The following GXYLT1 variants were observed in gnomAD, a reference collection of about 807,000 sequenced individuals.
GXYLT1 encodes the protein glucoside xylosyltransferase 1.
Under a neutral mutation model 54.0 loss-of-function variants are expected in GXYLT1, and 29 were observed. That is an observed-to-expected ratio of 0.54 (90% confidence interval 0.40 to 0.73). The LOEUF (loss-of-function observed/expected upper bound fraction) is 0.73. Among genes scored for constraint, GXYLT1 ranks in the 30% least tolerant of loss-of-function variants. The probability of loss-of-function intolerance (pLI) is 0.00; values close to 1 mark genes in which losing one functional copy is unlikely to be tolerated. For synonymous variants in GXYLT1, 176 were observed against 204.1 expected (o/e 0.86, Z 1.17); for missense variants, 490 against 553.4 (o/e 0.89, Z 1.15).
chr12:42,120,975 G>A (rs536356090), intron 2 of GXYLT1, among the ~76,000 whole-genome samples: 1 of 152,294 alleles, frequency 6.6e-6, no homozygotes, highest in Admixed American at 6.5e-5. Context: ...TGAAACTAAT[G>A]ATGGAGGGGA....
At chr12:42,141,884 A>G (rs960739453) in intron 1 of GXYLT1, among the ~76,000 whole-genome samples, 17 of 152,204 alleles carry the variant, frequency 1.1e-4, no homozygotes, top group African/African-American at 3.9e-4. Flanking sequence ...AAGAGATTCC[A>G]CTGAAAAACT....
At chr12:42,140,294 T>G (rs1454400999) in intron 1 of GXYLT1, among the ~76,000 whole-genome samples, 2 of 148,054 alleles carry the variant, frequency 1.4e-5, no homozygotes, top group Admixed American at 1.3e-4. Flanking sequence ...AGCACATATC[T>G]AAAACATAAA....
Position 42,087,907 on chromosome 12 carries a change from G to C in GXYLT1, c.1202C>G (p.Pro401Arg). The part of the protein sequence containing the change: ...EDDNIRSLLK[P>R]LELELQKTVH... ...TGTTTTTTGTAGTTCCAGTTCTAAA[G>C]GTTTTAATAAGGAACGGATGTTGTC... Residue 401 changes from proline (P) to arginine (R), a missense_variant, in exon 8 of 8, where the codon CCT (proline) becomes CGT (arginine). Physicochemically the swap from Pro to Arg is moderately radical, Grantham distance 103 (BLOSUM62 -2). Transcript: ENST00000398675. The C allele has an allele frequency of 6.3e-7, 1 of 1,581,904 alleles. No individual in the cohort carries two copies. Among genetic ancestry groups the C allele is most frequent in the Non-Finnish European group, 8.6e-7 (1 of 1,161,690 alleles).
intron 5 of GXYLT1, among the ~76,000 whole-genome samples, chr12:42,100,047 G>A (rs560213894): frequency 6.6e-6 from 1 of 152,148 alleles, no homozygotes; most frequent in South Asian, 2.1e-4. Context: ...TTCAGATACT[G>A]AATGTAATGC....
chr12:42,121,727 G>A lies in GXYLT1; in HGVS notation c.315-2556C>T, dbSNP rs140339970. ...CAGGTATTTCAGCAAGGATTGTTTT[G>A]GTCACACTGCCAGCACTCCTTTCAC... On this transcript the variant is annotated intron_variant, in intron 2 of 7. Transcript: ENST00000398675. 5.6e-3 allele frequency among the ~76,000 whole-genome samples: 851 copies of A among 151,572 alleles called. 6 individuals are homozygous for A. The highest frequency in any genetic ancestry group is 8.5e-3 in the Non-Finnish European group (576 of 67,928).
intron 5 of GXYLT1, among the ~76,000 whole-genome samples, chr12:42,104,166 CAA>C (rs1053257499): frequency 1.9e-4 from 29 of 151,874 alleles, no homozygotes; most frequent in African/African-American, 6.5e-4. Context: ...AAGTTGTAAT[CAA>C]ATGGTGTTAT....
At chr12:42,100,275 T>C (rs2065382324) in intron 5 of GXYLT1, among the ~76,000 whole-genome samples, 1 of 152,202 alleles carries the variant, frequency 6.6e-6, no homozygotes, top group Admixed American at 6.5e-5. Flanking sequence ...ATGTAAATTT[T>C]TTCTATGTCC....
chr12:42,097,560 T>A lies in GXYLT1; in HGVS notation c.1043A>T (p.Tyr348Phe). 6.2e-7 allele frequency: 1 copy of A among 1,612,330 alleles called. No individual in the cohort carries two copies. The highest frequency in any genetic ancestry group is 8.5e-7 in the Non-Finnish European group (1 of 1,179,290). The change falls in exon 7 of 8, where the codon TAT becomes TTT. Residue 348 changes from tyrosine (Y) to phenylalanine (F), a missense_variant. This residue lies in a region of GXYLT1 where 342 missense variants were observed against 342.6 expected (regional missense o/e 1.00). Coordinates refer to ENST00000398675, the MANE Select transcript of GXYLT1 (RefSeq NM_173601.2). Reference sequence around the variant, plus strand: ...TTCTGCTTCTTGGCAATTGCTTCCATATATACAATGATCTGGTCGATAATT... The same window carrying A: ...TTCTGCTTCTTGGCAATTGCTTCCAAATATACAATGATCTGGTCGATAATT... ...QWNYRPDHCI[Y>F]GSNCQEAEEG...
At chr12:42,126,100 GTC>G (rs1024141190) in intron 2 of GXYLT1, among the ~76,000 whole-genome samples, 43 of 146,836 alleles carry the variant, frequency 2.9e-4, no homozygotes, top group African/African-American at 1.1e-3. Flanking sequence ...TTGAGACAGA[GTC>G]TCACTCTGTC....
At chr12:42,123,814 G>A (rs866868992) in intron 2 of GXYLT1, among the ~76,000 whole-genome samples, 7 of 151,962 alleles carry the variant, frequency 4.6e-5, no homozygotes, top group Admixed American at 3.3e-4. Flanking sequence ...CTGCCATGAA[G>A]CTATCTTTAA....
In GXYLT1 at chr12:42,084,768, T is replaced by G. The variant is rs1393501951; in HGVS notation, c.*3018A>C. On this transcript the variant is annotated 3_prime_UTR_variant, in exon 8 of 8. Transcript: ENST00000398675. ...AGGGCCTTAAAACCCTTATATATTA[T>G]GAACTACTCTTCATTAGAAAAAAGT... 3 of 152,298 alleles carry G rather than the reference T, an allele frequency of 2.0e-5. No individual in the cohort carries two copies. Among genetic ancestry groups the G allele is most frequent in the Non-Finnish European group, 4.4e-5 (3 of 68,052 alleles). 9.4% of individuals were successfully genotyped at this position (152,298 alleles called of 1,614,324 possible).
In GXYLT1 at chr12:42,129,886, G is replaced by A. The variant is rs746615212; in HGVS notation, c.222-35C>T. On this transcript the variant is annotated intron_variant, in intron 1 of 7. Coordinates refer to ENST00000398675, the MANE Select transcript of GXYLT1 (RefSeq NM_173601.2). ...TAAGACAGAAATAAGAGTCCTGTGT[G>A]AGTATTTTGGTTTGGAACTAACAAG... The A allele has an allele frequency of 1.6e-5, 23 of 1,397,992 alleles. 1 individual carries two copies. The Admixed American group carries it at 4.0e-4, about 24-fold the overall frequency. The allele number at this position is 1,397,992 out of a possible 1,614,324, so 86.6% of individuals were successfully genotyped here.
intron 7 of GXYLT1, among the ~76,000 whole-genome samples, chr12:42,092,436 C>T (rs886263417): frequency 1.3e-5 from 2 of 152,024 alleles, no homozygotes; most frequent in South Asian, 4.2e-4. Flanking sequence ...CAGCATAAAT[C>T]CAAACCTCCC....
rs1444648262 is a variant in GXYLT1 at position 42,144,686 on chromosome 12, C to G, written c.-40G>C. ...TCCTCCTTCGCCGCCGCCGCCGCGCCCGCCCCGACGAACTGGAGCGGAGGG... is the reference window on the plus strand; with the variant it reads ...TCCTCCTTCGCCGCCGCCGCCGCGCGCGCCCCGACGAACTGGAGCGGAGGG... On this transcript the variant is annotated 5_prime_UTR_variant, in exon 1 of 8. Transcript: ENST00000398675. 1 of 1,372,122 alleles carries G rather than the reference C, an allele frequency of 7.3e-7. No individual in the cohort carries two copies. Among genetic ancestry groups the G allele is most frequent in the Non-Finnish European group, 9.5e-7 (1 of 1,052,406 alleles). The allele number at this position is 1,372,122 out of a possible 1,614,324, so 85.0% of individuals were successfully genotyped here.
At chr12:42,109,767 A>G (rs1005679667) in intron 3 of GXYLT1, 76 bp from the exon 4 acceptor site, 2 of 953,980 alleles carry the variant, frequency 2.1e-6, no homozygotes, top group African/African-American at 3.5e-5. Context: ...ACAGATTATA[A>G]AACAAAAGAG....
At chr12:42,114,023 A>T (rs2065476422) in intron 3 of GXYLT1, among the ~76,000 whole-genome samples, 1 of 152,242 alleles carries the variant, frequency 6.6e-6, no homozygotes, top group Non-Finnish European at 1.5e-5. Context: ...CTGCTCCGGA[A>T]TGACTACTAG....
chr12:42,119,739 T>C (rs1409452824), intron 2 of GXYLT1, among the ~76,000 whole-genome samples: 2 of 152,022 alleles, frequency 1.3e-5, no homozygotes, highest in Non-Finnish European at 2.9e-5. Context: ...GCCCAGAAGA[T>C]AGAAGCTGCA....
In GXYLT1 at chr12:42,087,647, C is replaced by T; in HGVS notation, c.*139G>A. 1 of 592,092 alleles carries T rather than the reference C, an allele frequency of 1.7e-6. No homozygotes were observed. The highest frequency in any genetic ancestry group is 2.9e-6 in the Non-Finnish European group (1 of 347,386). The allele number at this position is 592,092 out of a possible 1,614,324, so 36.7% of individuals were successfully genotyped here. A position where few individuals can be genotyped will look rare whatever the true frequency, so the allele number is the denominator to read the frequency against. On this transcript the variant is annotated 3_prime_UTR_variant, in exon 8 of 8. Transcript: ENST00000398675. ...TATTCTTCATTACCTGAAAATACTG[C>T]TTACTTAACTTCTTTAGGAAAAAAA... is the stretch of plus-strand genomic sequence containing the variant.
At chr12:42,100,559 A>G (rs2065384197) in intron 5 of GXYLT1, among the ~76,000 whole-genome samples, 1 of 152,238 alleles carries the variant, frequency 6.6e-6, no homozygotes, top group African/African-American at 2.4e-5. Context: ...TTCATGAAAA[A>G]AAAAAAATCC....
Sources: gnomAD v4.1 joint callset for allele counts (sites outside exome capture counted in the v4.1 genomes callset) on GRCh38, gnomAD v4.1.1 for gene constraint, gnomAD v4.1.1 regional missense constraint, MANE v1.5 for transcripts, NCBI Gene and HGNC (gene_info 2026-07-23, HGNC 2026-07-21) for gene names.